The following PACRG variants were observed in gnomAD, a reference collection of about 807,000 sequenced individuals.
PACRG encodes parkin coregulated.
PACRG carries 29 observed loss-of-function variants against 29.7 expected under a neutral mutation model. The ratio of observed to expected loss-of-function variants is 0.98; its 90% confidence interval spans 0.73 to 1.33. PACRG has a LOEUF of 1.33. PACRG is among the 40% of genes most tolerant of loss of function. The probability of loss-of-function intolerance (pLI) is 0.00; values close to 1 mark genes in which losing one functional copy is unlikely to be tolerated. For synonymous variants in PACRG, 116 were observed against 118.7 expected (o/e 0.98, Z 0.15); for missense variants, 279 against 316.2 (o/e 0.88, Z 0.89).
chr6:162,766,900 T>A (rs1038995552), intron 1 of PACRG, among the ~76,000 whole-genome samples: 1 of 152,132 alleles, frequency 6.6e-6, no homozygotes, highest in Admixed American at 6.5e-5. Context: ...TCACACTTTT[T>A]TTCTATAGTA....
At chr6:162,753,177 CAGT>C (rs1174773325) in intron 1 of PACRG, among the ~76,000 whole-genome samples, 2 of 152,050 alleles carry the variant, frequency 1.3e-5, no homozygotes, top group Non-Finnish European at 2.9e-5. Flanking sequence ...TCCTGCTGTG[CAGT>C]AGATCTCAAA....
intron 2 of PACRG, among the ~76,000 whole-genome samples, chr6:163,053,449 A>C (rs1175228690): frequency 2.6e-5 from 4 of 152,180 alleles, no homozygotes; most frequent in African/African-American, 9.7e-5. Flanking sequence ...TACTGTAAAA[A>C]ACAGAACTGT....
At chr6:163,309,003 G>T (rs978564054) in intron 4 of PACRG, among the ~76,000 whole-genome samples, 3 of 151,514 alleles carry the variant, frequency 2.0e-5, no homozygotes, top group Admixed American at 6.6e-5. Flanking sequence ...GGTCCAGAAA[G>T]AAACTATTTG....
At chr6:163,273,113 T>C (rs971473886) in intron 4 of PACRG, among the ~76,000 whole-genome samples, 14 of 146,546 alleles carry the variant, frequency 9.6e-5, no homozygotes, top group Non-Finnish European at 2.1e-4. Context: ...CGGGATGGTC[T>C]CGATCTCCTG....
chr6:162,982,605 A>G (rs535091668), intron 2 of PACRG, among the ~76,000 whole-genome samples: 2 of 151,914 alleles, frequency 1.3e-5, no homozygotes, highest in Admixed American at 6.6e-5. Context: ...ATGTATTTGT[A>G]TGGTTTTGAG....
intron 4 of PACRG, among the ~76,000 whole-genome samples, chr6:163,277,145 T>A (rs1323940993): frequency 2.0e-5 from 3 of 151,974 alleles, no homozygotes; most frequent in African/African-American, 4.8e-5. Flanking sequence ...GAACAGGTGG[T>A]GTTTGGTTAC....
chr6:163,144,369 C>CT (rs34899582), intron 4 of PACRG, among the ~76,000 whole-genome samples: 53,323 of 149,924 alleles, frequency 0.36, 9,649 homozygotes, highest in East Asian at 0.55. Context: ...CACACACACA[C>CT]AGTTATATTA....
At chr6:163,232,600 T>C (rs1302488745) in intron 4 of PACRG, among the ~76,000 whole-genome samples, 1 of 152,098 alleles carries the variant, frequency 6.6e-6, no homozygotes, top group East Asian at 1.9e-4. Flanking sequence ...GCCTTGTTCA[T>C]GGCAAAACAC....
chr6:162,739,877 A>G (rs1780443580), intron 1 of PACRG, among the ~76,000 whole-genome samples: 1 of 151,640 alleles, frequency 6.6e-6, no homozygotes, highest in Non-Finnish European at 1.5e-5. Flanking sequence ...GCCTAGTTTC[A>G]AAAGAATTTT....
At chr6:162,727,813 G>T, upstream of PACRG, 1 of 826,172 alleles carries the variant, frequency 1.2e-6, no homozygotes, top group Non-Finnish European at 1.9e-6. Context: ...GCGCACGCGC[G>T]GAGGGCGCGG....
At chr6:163,205,509 C>T (rs113928861) in intron 4 of PACRG, among the ~76,000 whole-genome samples, 42,743 of 151,936 alleles carry the variant, frequency 0.28, 6,161 homozygotes, top group East Asian at 0.43. Flanking sequence ...GCTAGCCATA[C>T]GCAGAAGATT....
At chr6:163,120,029 C>T (rs899765031) in intron 4 of PACRG, among the ~76,000 whole-genome samples, 7 of 152,154 alleles carry the variant, frequency 4.6e-5, no homozygotes, top group African/African-American at 1.7e-4. Flanking sequence ...ATTAGTTTTC[C>T]CATTCATAGC....
At chr6:163,285,937 A>G (rs923859589) in intron 4 of PACRG, among the ~76,000 whole-genome samples, 1 of 150,256 alleles carries the variant, frequency 6.7e-6, no homozygotes, top group Non-Finnish European at 1.5e-5. Flanking sequence ...CCATCCCTTC[A>G]TGACAGAGGC....
intron 2 of PACRG, among the ~76,000 whole-genome samples, chr6:162,880,076 T>TG (rs1290977837): frequency 4.6e-5 from 7 of 152,220 alleles, no homozygotes; most frequent in Admixed American, 4.6e-4. Context: ...GACATGTAAA[T>TG]GGGGGTCCTC....
intron 2 of PACRG, among the ~76,000 whole-genome samples, chr6:163,039,864 T>C (rs533590140): frequency 6.6e-6 from 1 of 152,348 alleles, no homozygotes; most frequent in South Asian, 2.1e-4. Context: ...CAGAAAAGTT[T>C]GGAAAATTTG....
intron 2 of PACRG, among the ~76,000 whole-genome samples, chr6:163,010,918 G>A (rs1306353780): frequency 2.0e-5 from 3 of 152,344 alleles, no homozygotes; most frequent in African/African-American, 4.8e-5. Flanking sequence ...GGCACTGCAG[G>A]GTTGCTGAGC....
At chr6:163,132,016 A>G (rs564784299) in intron 4 of PACRG, among the ~76,000 whole-genome samples, 2 of 152,340 alleles carry the variant, frequency 1.3e-5, no homozygotes, top group East Asian at 3.9e-4. Context: ...CTTTGACTGC[A>G]TGTGGTGTTA....
At chr6:162,872,971 T>G (rs1792954838) in intron 2 of PACRG, among the ~76,000 whole-genome samples, 1 of 152,160 alleles carries the variant, frequency 6.6e-6, no homozygotes, top group Non-Finnish European at 1.5e-5. Context: ...TATTAGTACA[T>G]TAAAAAAATT....
intron 1 of PACRG, among the ~76,000 whole-genome samples, chr6:162,801,799 A>G (rs1273495344): frequency 6.6e-6 from 1 of 151,856 alleles, no homozygotes; most frequent in East Asian, 1.9e-4. Context: ...GTAATAATTA[A>G]TAACTACTTA....
Sources: allele counts gnomAD v4.1 joint callset (sites outside exome capture counted in the v4.1 genomes callset), GRCh38; gene constraint gnomAD v4.1.1; transcripts MANE v1.5; gene names NCBI Gene and HGNC (gene_info 2026-07-23, HGNC 2026-07-21).